The following ITPRID2 variants were observed in gnomAD, a reference collection of about 807,000 sequenced individuals.
ITPRID2 encodes ITPR interacting domain containing 2, also known as protein ITPRID2.
ITPRID2 carries 60 observed loss-of-function variants against 124.3 expected under a neutral mutation model. That is an observed-to-expected ratio of 0.48 (90% CI 0.39 to 0.60). ITPRID2 has a LOEUF of 0.60. Ranked by LOEUF, ITPRID2 falls within the 20% of genes least tolerant of loss-of-function variation. The pLI, the probability that ITPRID2 is intolerant of heterozygous loss-of-function variation, is 0.00. For synonymous variants in ITPRID2, 521 were observed against 542.9 expected (o/e 0.96, Z 0.56); for missense variants, 1,553 against 1,512.2 (o/e 1.03, Z -0.45).
At chr2:181,916,520 A>G (rs1392430670) in intron 11 of ITPRID2, 93 bp downstream of exon 11, 8 of 1,415,138 alleles carry the variant, frequency 5.7e-6, no homozygotes, top group Non-Finnish European at 7.6e-6. Flanking sequence ...TCAAGTATGA[A>G]CTACCTCAGC....
rs1044468986 is a variant in ITPRID2, at chr2:181,905,192, G to C, written c.1413+2726G>C. Among the ~76,000 whole-genome samples the C allele has an allele frequency of 1.3e-4, 19 of 151,652 alleles. No homozygotes were observed. Among genetic ancestry groups the C allele is most frequent in the African/African-American group, 4.4e-4 (18 of 41,230 alleles). Reference sequence around the variant, plus strand: ...AGCTTCCTGAGTAGCTGGGATTACAGGCACATACCACCACAGCCAGCTAAT... The same window carrying C: ...AGCTTCCTGAGTAGCTGGGATTACACGCACATACCACCACAGCCAGCTAAT... On this transcript the variant is annotated intron_variant, in intron 8 of 17. Transcript: ENST00000431877. This position sits in a 1 kb window ranked among gnomAD's most constrained non-coding sequence, Gnocchi z 4.1.
chr2:181,919,441 C>T lies in ITPRID2; in HGVS notation c.3139C>T (p.Leu1047Phe). ...GCCTTCACCCTTCCGCTCCTCCGCA[C>T]TCATGGTACGCTACCTGGAGGGTGG... ...RMPSPFRSSA[L>F]MGMCGSRSAD... is the part of the protein sequence containing the mutation. Residue 1047 changes from leucine to phenylalanine, a missense_variant, in exon 14 of 18, where the codon CTC becomes TTC. Coordinates refer to ENST00000431877, the MANE Select transcript of ITPRID2 (RefSeq NM_001130445.3). This position sits in a 1 kb window ranked among gnomAD's most constrained non-coding sequence, Gnocchi z 4.2. 2.5e-6 allele frequency: 4 copies of T among 1,582,946 alleles called. No homozygotes were observed. Among genetic ancestry groups the T allele is most frequent in the Non-Finnish European group, 3.4e-6 (4 of 1,165,050 alleles).
chr2:181,904,339 T>A lies in ITPRID2; in HGVS notation c.1413+1873T>A, dbSNP rs1014365820. 1.2e-4 allele frequency among the ~76,000 whole-genome samples: 18 copies of A among 152,204 alleles called. No individual in the cohort carries two copies. In the Middle Eastern group the frequency reaches 0.01, roughly 86 times the overall value. On this transcript the variant is annotated intron_variant, in intron 8 of 17. Transcript: ENST00000431877. ...GAAGAATAATGGGAGATTTTTTTTT[T>A]AAATGAATTTATGGTCGACCACAGC... is the stretch of plus-strand genomic sequence containing the variant.
chr2:181,895,733 CTT>C (rs1187481298), intron 2 of ITPRID2, among the ~76,000 whole-genome samples: 2 of 151,956 alleles, frequency 1.3e-5, no homozygotes, highest in Admixed American at 6.6e-5. Context: ...GTCATTCTCT[CTT>C]TTTTGCAAAG....
chr2:181,894,862 A>G (rs563148266), intron 2 of ITPRID2, among the ~76,000 whole-genome samples: 11 of 152,192 alleles, frequency 7.2e-5, no homozygotes, highest in Middle Eastern at 3.4e-3. Context: ...CTTATCTACC[A>G]TTTTCTGTTA....
intron 7 of ITPRID2, 35 bp downstream of exon 7, chr2:181,900,939 T>A (rs756739093): frequency 2.0e-6 from 3 of 1,498,258 alleles, no homozygotes; most frequent in Non-Finnish European, 2.7e-6. Context: ...ATTATTTTCT[T>A]AAATTATAGC....
chr2:181,909,939 C>T lies in ITPRID2; in HGVS notation c.1454C>T (p.Thr485Ile), dbSNP rs1360237568. 1.9e-6 allele frequency: 3 copies of T among 1,613,210 alleles called. No individual in the cohort carries two copies. Among genetic ancestry groups the T allele is most frequent in the Non-Finnish European group, 1.7e-6 (2 of 1,179,438 alleles). The change falls in exon 9 of 18, where the codon ACT (threonine) becomes ATT (isoleucine). Residue 485 changes from threonine to isoleucine, a missense_variant. By Grantham distance (89) the Thr-to-Ile change is moderately conservative. Transcript: ENST00000431877. ...GGAGAAGCTCCTCATGTTCCAGCCACTTACCAGCTAGGTCTTACGAAGTCG... is the reference window on the plus strand; with the variant it reads ...GGAGAAGCTCCTCATGTTCCAGCCATTTACCAGCTAGGTCTTACGAAGTCG... The part of the protein sequence containing the change: ...TEGEAPHVPA[T>I]YQLGLTKSKR...
chr2:181,895,944 T>A, intron 2 of ITPRID2, 86 bp from the exon 3 acceptor site: 1 of 1,094,378 alleles, frequency 9.1e-7, no homozygotes, highest in Non-Finnish European at 1.4e-6. Flanking sequence ...CTTATTGAGC[T>A]GTAACTCTTT....
chr2:181,925,630 A>C (rs1191974878), intron 16 of ITPRID2, among the ~76,000 whole-genome samples: 1 of 151,856 alleles, frequency 6.6e-6, no homozygotes, highest in Non-Finnish European at 1.5e-5. Flanking sequence ...ACGCTTACTG[A>C]GTTCTTACTG....
chr2:181,896,290 CTT>C lies in ITPRID2; in HGVS notation c.307+212_307+213del, dbSNP rs982825184. On this transcript the variant is annotated intron_variant, in intron 3 of 17. Transcript: ENST00000431877. This position sits in a 1 kb window ranked among gnomAD's most constrained non-coding sequence, Gnocchi z 4.3. ...TGCCTAGCCTTTTCACAACGTGAAA[CTT>C]ATATCTTTATTGTCCAGTTAGGTAT... Among the ~76,000 whole-genome samples, 7 of 151,940 alleles carry C rather than the reference CTT, an allele frequency of 4.6e-5. No individual in the cohort carries two copies. Among genetic ancestry groups the C allele is most frequent in the Non-Finnish European group, 1.0e-4 (7 of 67,858 alleles).
At chr2:181,900,356 C>T (rs1453190789) in intron 6 of ITPRID2, among the ~76,000 whole-genome samples, 1 of 152,150 alleles carries the variant, frequency 6.6e-6, no homozygotes, top group East Asian at 1.9e-4. Flanking sequence ...TATTCTTCAT[C>T]ATCTGTCTTC....
Position 181,915,895 on chromosome 2 carries a change from C to T in ITPRID2, c.2255C>T (p.Ser752Phe). Residue 752 changes from serine (S) to phenylalanine (F), a missense_variant, in exon 11 of 18, where the codon TCC becomes TTC. Ser to Phe is a radical substitution (Grantham distance 155). Coordinates refer to ENST00000431877, the MANE Select transcript of ITPRID2 (RefSeq NM_001130445.3). ...TTLLSPVRVV[S>F]SVNVRLSPGK... ...TTATTGAGCCCAGTAAGGGTTGTGT[C>T]CTCTGTCAATGTTCGATTATCTCCA... is the stretch of plus-strand genomic sequence containing the variant. 6.2e-7 allele frequency: 1 copy of T among 1,614,194 alleles called. No homozygotes were observed. The highest frequency in any genetic ancestry group is 8.5e-7 in the Non-Finnish European group (1 of 1,180,030).
chr2:181,918,574 A>G, intron 11 of ITPRID2, 24 bp from the exon 12 acceptor site: 1 of 1,612,420 alleles, frequency 6.2e-7, no homozygotes, highest in Non-Finnish European at 8.5e-7. Flanking sequence ...CATTGGTTTT[A>G]ATCCTACTTT....
chr2:181,896,007 CTTATACGT>C lies in ITPRID2; in HGVS notation c.258-17_258-10del. On this transcript the variant is annotated splice_polypyrimidine_tract_variant and intron_variant, in intron 2 of 17. Coordinates refer to ENST00000431877, the MANE Select transcript of ITPRID2 (RefSeq NM_001130445.3). This position sits in a 1 kb window ranked among gnomAD's most constrained non-coding sequence, Gnocchi z 4.3. ...CAAATAGCCTTTCACAAGACTAAGG[CTTATACGT>C]TTATATGGTTTCAGTACACCTTTGG... 1 of 1,609,752 alleles carries C rather than the reference CTTATACGT, an allele frequency of 6.2e-7. No individual in the cohort carries two copies. Among genetic ancestry groups the C allele is most frequent in the Non-Finnish European group, 8.5e-7 (1 of 1,176,528 alleles).
chr2:181,908,470 C>T (rs1006613843), intron 8 of ITPRID2, among the ~76,000 whole-genome samples: 3 of 152,120 alleles, frequency 2.0e-5, no homozygotes. Flanking sequence ...AAAAAGAAAA[C>T]GCACATTGTT....
At position 181,916,234 on chromosome 2, in the gene ITPRID2, T is replaced by C. The variant is rs1194475626; in HGVS notation, c.2594T>C (p.Leu865Pro). Residue 865 changes from leucine (L) to proline (P), a missense_variant, in exon 11 of 18, where the codon CTG becomes CCG. By Grantham distance (98) the Leu-to-Pro change is moderately conservative (BLOSUM62 -3). Transcript: ENST00000431877. ...CCCCTGTGTGAGCACACAAGAACTCTGAGCACTCACAGTGTTCCCAACATA... is the reference window on the plus strand; with the variant it reads ...CCCCTGTGTGAGCACACAAGAACTCCGAGCACTCACAGTGTTCCCAACATA... ...ERPLCEHTRTLSTHSVPNISG... is the reference protein window; with the variant it reads ...ERPLCEHTRTPSTHSVPNISG... 6.2e-7 allele frequency: 1 copy of C among 1,614,234 alleles called. No homozygotes were observed. The highest frequency in any genetic ancestry group is 1.7e-5 in the Admixed American group (1 of 60,030).
At chr2:181,916,502 A>G in intron 11 of ITPRID2, 75 bp downstream of exon 11, 3 of 1,495,522 alleles carry the variant, frequency 2.0e-6, no homozygotes, top group Non-Finnish European at 2.7e-6. Flanking sequence ...CAGAGAAGCT[A>G]AGGCACATCA....
Position 181,930,154 on chromosome 2 carries a change from A to AC in ITPRID2, c.*610dup, listed in dbSNP as rs1695174695. 3 of 152,650 alleles carry AC rather than the reference A, an allele frequency of 2.0e-5. No homozygotes were observed. The allele number at this position is 152,650 out of a possible 1,614,324, so 9.5% of individuals were successfully genotyped here. A position where few individuals can be genotyped will look rare whatever the true frequency, so the allele number is the denominator to read the frequency against. On this transcript the variant is annotated 3_prime_UTR_variant, in exon 18 of 18. Coordinates refer to ENST00000431877, the MANE Select transcript of ITPRID2 (RefSeq NM_001130445.3). Reference sequence around the variant, plus strand: ...CTTACACTGTAAGCCTTGTTGCTTTACCCAAGACAAATGTAATTTTATCAT... The same window carrying AC: ...CTTACACTGTAAGCCTTGTTGCTTTACCCCAAGACAAATGTAATTTTATCAT...
intron 16 of ITPRID2, among the ~76,000 whole-genome samples, chr2:181,923,021 T>A (rs530306348): frequency 2.6e-5 from 4 of 152,342 alleles, no homozygotes; most frequent in Admixed American, 2.6e-4. Flanking sequence ...TGGTGTTTTT[T>A]ATTCAAAAAT....
Sources: allele counts gnomAD v4.1 joint callset (sites outside exome capture counted in the v4.1 genomes callset), GRCh38; gene constraint gnomAD v4.1.1; non-coding constraint Gnocchi (gnomAD v3.1); transcripts MANE v1.5; gene names NCBI Gene and HGNC (gene_info 2026-07-23, HGNC 2026-07-21).